The following CASP1 variants were observed in gnomAD, a reference collection of about 807,000 sequenced individuals.
CASP1 encodes caspase 1.
In CASP1, 31 loss-of-function variants were observed where a neutral mutation model predicts 41.2. That is an observed-to-expected ratio of 0.75 (90% CI 0.57 to 1.02). The LOEUF (loss-of-function observed/expected upper bound fraction) is 1.02, where lower values mean the gene tolerates loss of function less well. CASP1 is among the 50% of genes least tolerant of loss of function. The pLI is 0.00. For missense variants in CASP1, 490 were observed against 495.7 expected (o/e 0.99, Z 0.11); for synonymous variants, 163 against 166.5 (o/e 0.98, Z 0.16).
At chr11:105,033,431 C>A (rs1237522344) in intron 2 of CASP1, among the ~76,000 whole-genome samples, 2 of 152,222 alleles carry the variant, frequency 1.3e-5, no homozygotes, top group East Asian at 3.9e-4. Flanking sequence ...CAAAGAACAT[C>A]TCCCTCTGAA....
chr11:105,032,242 A>G lies in CASP1; in HGVS notation c.337+822T>C, dbSNP rs1863743593. Among the ~76,000 whole-genome samples, 6 of 152,222 alleles carry G rather than the reference A, an allele frequency of 3.9e-5. No individual in the cohort carries two copies. In the South Asian group the frequency reaches 1.0e-3, roughly 26 times the overall value. ...GAATAGATATATTGGAAAAAATTATAGAATAATCATTTGTTGGATAAAATG... is the reference window on the plus strand; with the variant it reads ...GAATAGATATATTGGAAAAAATTATGGAATAATCATTTGTTGGATAAAATG... On this transcript the variant is annotated intron_variant, in intron 3 of 8. Coordinates refer to ENST00000533400, the MANE Select transcript of CASP1 (RefSeq NM_001257118.3).
intron 7 of CASP1, 146 bp from the exon 8 acceptor site, chr11:105,027,097 A>G (rs2134806855): frequency 2.9e-6 from 2 of 684,858 alleles, no homozygotes; most frequent in South Asian, 3.1e-5. Context: ...GGTAGAGGGG[A>G]GTGATTGGGA....
Position 105,029,260 on chromosome 11 carries a change from A to G in CASP1, c.870T>C (p.Pro290=), listed in dbSNP as rs749153486. ...IIIQACRGDS[P]GVVWFKDSVG... ...CTGAATCTTTAAACCACACCACACCAGGGCTGTCTGGAAAGACACAGTTTG... is the reference window on the plus strand; with the variant it reads ...CTGAATCTTTAAACCACACCACACCGGGGCTGTCTGGAAAGACACAGTTTG... The change falls in exon 7 of 9, where the codon CCT becomes CCC. Residue 290 remains proline (P), a synonymous_variant. Coordinates refer to ENST00000533400, the MANE Select transcript of CASP1 (RefSeq NM_001257118.3). 1 of 1,610,686 alleles carries G rather than the reference A, an allele frequency of 6.2e-7. No homozygotes were observed. The highest frequency in any genetic ancestry group is 8.5e-7 in the Non-Finnish European group (1 of 1,178,908).
In CASP1 at chr11:105,026,909, AT is replaced by A. The variant is rs1477218032; in HGVS notation, c.1048del (p.Ile350LeufsTer43). 1.2e-6 allele frequency: 2 copies of A among 1,610,474 alleles called. No homozygotes were observed. On this transcript the variant is annotated frameshift_variant, in exon 8 of 9. Transcript: ENST00000533400. LOFTEE classifies it high-confidence loss of function. ...TTGCATATGTTCAATGAGTCTTCCAATAAAAACAGAGCCCATTGTGGGATGT... is the reference window on the plus strand; with the variant it reads ...TTGCATATGTTCAATGAGTCTTCCAAAAAAACAGAGCCCATTGTGGGATGT... The part of the protein sequence containing the change: ...WRHPTMGSVF[I>X]GRLIEHMQEY...
chr11:105,036,088 A>G (rs1864006747), upstream of CASP1, among the ~76,000 whole-genome samples: 1 of 152,210 alleles, frequency 6.6e-6, no homozygotes, highest in South Asian at 2.1e-4. Context: ...GTACCTACAC[A>G]GTTTTGAGCA....
chr11:105,034,185 G>C, intron 2 of CASP1, 23 bp downstream of exon 2: 3 of 1,613,840 alleles, frequency 1.9e-6, no homozygotes, highest in Non-Finnish European at 2.5e-6. Context: ...AGGTGAACTT[G>C]AGTGTAAGTC....
intron 5 of CASP1, 129 bp downstream of exon 5, chr11:105,030,201 T>A: frequency 1.3e-6 from 1 of 791,474 alleles, no homozygotes; most frequent in East Asian, 2.5e-5. Flanking sequence ...TATCCAGCAC[T>A]CTCTCATGGC....
Position 105,029,111 on chromosome 11 carries a change from A to G in CASP1, c.1006+13T>C, listed in dbSNP as rs746238820. 1.2e-6 allele frequency: 2 copies of G among 1,610,846 alleles called. No homozygotes were observed. The highest frequency in any genetic ancestry group is 2.2e-5 in the East Asian group (1 of 44,826). On this transcript the variant is annotated intron_variant, in intron 7 of 8. Coordinates refer to ENST00000533400, the MANE Select transcript of CASP1 (RefSeq NM_001257118.3). ...TAGCCCCAACAAAGATGTCCTGTGT[A>G]GAAACCTGTTACCTGGTGTGGAAGA...
Position 105,034,669 on chromosome 11 carries a change from C to A in CASP1, c.8-195G>T, listed in dbSNP as rs1303541299. 6.2e-5 allele frequency: 56 copies of A among 904,146 alleles called. No individual in the cohort carries two copies. In the South Asian group the frequency reaches 6.2e-4, roughly 10 times the overall value. 56.0% of individuals were successfully genotyped at this position (904,146 alleles called of 1,614,324 possible). A position where few individuals can be genotyped will look rare whatever the true frequency, so the allele number is the denominator to read the frequency against. On this transcript the variant is annotated intron_variant, in intron 1 of 8. Coordinates refer to ENST00000533400, the MANE Select transcript of CASP1 (RefSeq NM_001257118.3). The stretch of plus-strand genomic sequence containing the variant: ...TCTCCATACATGTGCATGGAGTGAC[C>A]TGAAGACTGAGTTTACCATTTCCAC...
intron 5 of CASP1, 36 bp downstream of exon 5, chr11:105,030,294 G>T (rs769515848): frequency 5.9e-6 from 9 of 1,530,976 alleles, no homozygotes; most frequent in East Asian, 2.2e-5. Flanking sequence ...TATACGAAGG[G>T]CATAACCATT....
intron 5 of CASP1, 144 bp downstream of exon 5, chr11:105,030,186 T>C: frequency 5.7e-6 from 4 of 702,486 alleles, no homozygotes; most frequent in Non-Finnish European, 9.6e-6. Flanking sequence ...CAAAGGACCA[T>C]GTAGTATCCA....
intron 3 of CASP1, 62 bp downstream of exon 3, chr11:105,033,002 A>G: frequency 9.6e-7 from 1 of 1,040,134 alleles, no homozygotes; most frequent in Non-Finnish European, 1.5e-6. Context: ...GTTTGATCCT[A>G]CAAAATTAAT....
intron 3 of CASP1, among the ~76,000 whole-genome samples, chr11:105,032,222 G>T (rs1202391475): frequency 6.6e-6 from 1 of 152,118 alleles, no homozygotes; most frequent in African/African-American, 2.4e-5. Context: ...AATTAGAATA[G>T]ATATATTGGA....
At position 105,034,341 on chromosome 11, in the gene CASP1, A is replaced by T; in HGVS notation, c.141T>A (p.Asn47Lys). The T allele has an allele frequency of 6.2e-7, 1 of 1,614,046 alleles. No individual in the cohort carries two copies. The highest frequency in any genetic ancestry group is 1.1e-5 in the South Asian group (1 of 91,080). ...CTCGGGTCTTATCCATAACTGTAGCATTTTCACGTTTTACTTTCTCCATCT... is the reference window on the plus strand; with the variant it reads ...CTCGGGTCTTATCCATAACTGTAGCTTTTTCACGTTTTACTTTCTCCATCT... ...KEEMEKVKRE[N>K]ATVMDKTRAL... The change falls in exon 2 of 9, where the codon AAT (asparagine) becomes AAA (lysine). Residue 47 changes from asparagine to lysine, a missense_variant. Coordinates refer to ENST00000533400, the MANE Select transcript of CASP1 (RefSeq NM_001257118.3).
At chr11:105,035,169 C>T (rs1341938147), upstream of CASP1, 1 of 1,612,626 alleles carries the variant, frequency 6.2e-7, no homozygotes. Context: ...CTTCGCCTTC[C>T]TTTTTGGCAG....
Position 105,029,697 on chromosome 11 carries a change from G to A in CASP1, c.830C>T (p.Pro277Leu), listed in dbSNP as rs765350445. Residue 277 changes from proline to leucine, a missense_variant, in exon 6 of 9, where the codon CCG (proline) becomes CTG (leucine). Transcript: ENST00000533400. ...TKNCPSLKDK[P>L]KVIIIQACRG... ...GCAGGCCTGGATGATGATCACCTTCGGTTTGTCCTTCAAACTTGGGCAGTT... is the reference window on the plus strand; with the variant it reads ...GCAGGCCTGGATGATGATCACCTTCAGTTTGTCCTTCAAACTTGGGCAGTT... 5.6e-6 allele frequency: 9 copies of A among 1,613,460 alleles called. No homozygotes were observed. The highest frequency in any genetic ancestry group is 4.5e-5 in the East Asian group (2 of 44,858).
At chr11:105,031,442 A>G (rs766783673) in intron 3 of CASP1, among the ~76,000 whole-genome samples, 162 bp from the exon 4 acceptor site, 6 of 152,214 alleles carry the variant, frequency 3.9e-5, no homozygotes, top group Non-Finnish European at 7.4e-5. Context: ...TTTGCTCCTA[A>G]TGGAGCACAT....
rs748680818 is a variant in CASP1, at chr11:105,034,201, C to T, written c.274+7G>A. 8 of 1,614,048 alleles carry T rather than the reference C, an allele frequency of 5.0e-6. No homozygotes were observed. Among genetic ancestry groups the T allele is most frequent in the Middle Eastern group, 3.3e-4 (2 of 6,060 alleles). ...GGTGAACTTGAGTGTAAGTCACTGA[C>T]CCTTACCTGCTGAGAGTCCCAGCGT... On this transcript the variant is annotated splice_region_variant and intron_variant, in intron 2 of 8. Coordinates refer to ENST00000533400, the MANE Select transcript of CASP1 (RefSeq NM_001257118.3).
At position 105,030,283 on chromosome 11, in the gene CASP1, T is replaced by C; in HGVS notation, c.627+47A>G. The C allele has an allele frequency of 3.4e-6, 5 of 1,454,344 alleles. No individual in the cohort carries two copies. In the East Asian group the frequency reaches 6.8e-5, roughly 20 times the overall value. The allele number at this position is 1,454,344 out of a possible 1,614,324, so 90.1% of individuals were successfully genotyped here. A position where few individuals can be genotyped will look rare whatever the true frequency, so the allele number is the denominator to read the frequency against. On this transcript the variant is annotated intron_variant, in intron 5 of 8. Coordinates refer to ENST00000533400, the MANE Select transcript of CASP1 (RefSeq NM_001257118.3). ...AACCAAGCTTTCTAATATTATTCAGTTATACGAAGGGCATAACCATTGTTT... is the reference window on the plus strand; with the variant it reads ...AACCAAGCTTTCTAATATTATTCAGCTATACGAAGGGCATAACCATTGTTT...
Sources: allele counts gnomAD v4.1 joint callset (sites outside exome capture counted in the v4.1 genomes callset), GRCh38; gene constraint gnomAD v4.1.1; transcripts MANE v1.5; gene names NCBI Gene and HGNC (gene_info 2026-07-23, HGNC 2026-07-21).